Variants in GRIK3 observed in about 807,000 individuals in gnomAD.
The protein encoded by GRIK3 is glutamate ionotropic receptor kainate type subunit 3, also known as glutamate receptor ionotropic, kainate 3.
GRIK3 carries 29 observed loss-of-function variants against 102.5 expected under a neutral mutation model. The ratio of observed to expected loss-of-function variants is 0.28; its 90% CI spans 0.21 to 0.39. The LOEUF is 0.39. Ranked by LOEUF, GRIK3 falls within the 10% of genes least tolerant of loss-of-function variation. GRIK3 has a pLI of 1.00. For missense variants in GRIK3, 908 were observed against 1,252.4 expected (o/e 0.73, Z 4.15); for synonymous variants, 511 against 504.9 (o/e 1.01, Z -0.16).
chr1:36,962,634 G>A (rs1298290670), intron 1 of GRIK3, among the ~76,000 whole-genome samples: 1 of 135,188 alleles, frequency 7.4e-6, no homozygotes, highest in African/African-American at 3.0e-5. Flanking sequence ...GAGAGAGAGG[G>A]AGAGGAAGAG....
Position 36,896,785 on chromosome 1 carries a change from T to C in GRIK3, c.116-5689A>G, listed in dbSNP as rs139232946. Among the ~76,000 whole-genome samples the C allele has an allele frequency of 1.4e-4, 21 of 152,200 alleles. No individual in the cohort carries two copies. The East Asian group carries it at 4.0e-3, about 29-fold the overall frequency. ...AATAAACCTATTTTAACTATACAGG[T>C]GCACATAAAATAAAAGTAAATGAAC... On this transcript the variant is annotated intron_variant, in intron 1 of 15. Coordinates refer to ENST00000373091, the MANE Select transcript of GRIK3 (RefSeq NM_000831.4).
chr1:36,838,982 G>A (rs889453825), intron 10 of GRIK3, among the ~76,000 whole-genome samples: 4 of 152,168 alleles, frequency 2.6e-5, no homozygotes, highest in African/African-American at 4.8e-5. Flanking sequence ...CTCGGAGGCC[G>A]TGGACGACAC....
At chr1:37,011,195 G>C (rs1642592873) in intron 1 of GRIK3, among the ~76,000 whole-genome samples, 1 of 152,108 alleles carries the variant, frequency 6.6e-6, no homozygotes, top group African/African-American at 2.4e-5. Flanking sequence ...TGAAATCCTG[G>C]GTAAGATGCT....
intron 1 of GRIK3, among the ~76,000 whole-genome samples, chr1:36,933,378 G>C (rs1210480536): frequency 6.6e-6 from 1 of 152,214 alleles, no homozygotes; most frequent in East Asian, 1.9e-4. Flanking sequence ...ACCGACTGCT[G>C]ATGGGGAGGG....
intron 1 of GRIK3, among the ~76,000 whole-genome samples, chr1:36,988,869 G>T (rs984210464): frequency 1.3e-5 from 2 of 152,178 alleles, no homozygotes; most frequent in African/African-American, 4.8e-5. Context: ...GGCCTTTTCA[G>T]TTAAGCTGAA....
chr1:36,829,402 GTTTTTTGTTT>G (rs1375824856), intron 10 of GRIK3, among the ~76,000 whole-genome samples: 1 of 149,864 alleles, frequency 6.7e-6, no homozygotes, highest in East Asian at 1.9e-4. Flanking sequence ...GGTTTTTATT[GTTTTTTGTTT>G]TTTTTTTTTA....
intron 1 of GRIK3, among the ~76,000 whole-genome samples, chr1:37,005,945 G>A (rs1014491187): frequency 6.6e-6 from 1 of 152,136 alleles, no homozygotes; most frequent in Admixed American, 6.5e-5. Context: ...GAGCCCTTGA[G>A]GGTTTCTCAG....
At chr1:36,952,724 T>C (rs1036813000) in intron 1 of GRIK3, among the ~76,000 whole-genome samples, 3 of 152,120 alleles carry the variant, frequency 2.0e-5, no homozygotes, top group Non-Finnish European at 4.4e-5. Flanking sequence ...AATGAATGAA[T>C]GAATAAATGA....
chr1:37,011,387 G>A (rs1267294443), intron 1 of GRIK3, among the ~76,000 whole-genome samples: 5 of 152,194 alleles, frequency 3.3e-5, no homozygotes, highest in South Asian at 2.1e-4. Flanking sequence ...CCTCAGCAGC[G>A]AAAGGCAGCT....
intron 1 of GRIK3, among the ~76,000 whole-genome samples, chr1:36,909,848 C>T (rs992633584): frequency 4.6e-5 from 7 of 152,116 alleles, no homozygotes; most frequent in Non-Finnish European, 5.9e-5. Context: ...TTATATGTTT[C>T]GGGAAACATA....
At chr1:36,834,996 A>G (rs1420194717) in intron 10 of GRIK3, among the ~76,000 whole-genome samples, 1 of 152,212 alleles carries the variant, frequency 6.6e-6, no homozygotes, top group Non-Finnish European at 1.5e-5. Flanking sequence ...TCCTCGGGGT[A>G]TACTCCCAAA....
chr1:37,034,026 T>G lies in GRIK3; in HGVS notation c.83A>C (p.Asp28Ala), dbSNP rs1338516623. ...GATGACGTGGGGCATCCCGCGCGAG[T>G]CCGGGATCCAGAAGGCGCACACGAG... ...GLLVCAFWIP[D>A]SRGMPHVIRI... The change falls in exon 1 of 16, where the codon GAC becomes GCC. Residue 28 changes from aspartate (D) to alanine (A), a missense_variant. Asp to Ala is a moderately radical substitution (Grantham distance 126, BLOSUM62 -2). Around this residue, in one of 3 missense-constraint regions of GRIK3, gnomAD observed 585 missense variants for 824.9 expected, o/e 0.71. Coordinates refer to ENST00000373091, the MANE Select transcript of GRIK3 (RefSeq NM_000831.4). 1 of 1,603,558 alleles carries G rather than the reference T, an allele frequency of 6.2e-7. No individual in the cohort carries two copies. Among genetic ancestry groups the G allele is most frequent in the Admixed American group, 1.7e-5 (1 of 59,374 alleles).
intron 1 of GRIK3, among the ~76,000 whole-genome samples, chr1:36,973,318 C>T (rs1007412854): frequency 1.3e-5 from 2 of 152,052 alleles, no homozygotes; most frequent in African/African-American, 4.8e-5. Context: ...CCAGGCCTTT[C>T]CTTGAGCTGT....
At chr1:36,956,349 T>C (rs112413483) in intron 1 of GRIK3, among the ~76,000 whole-genome samples, 2 of 152,128 alleles carry the variant, frequency 1.3e-5, no homozygotes, top group African/African-American at 2.4e-5. Context: ...CTTAGGAAGA[T>C]GAAATGACTC....
At chr1:36,900,376 G>C (rs578881) in intron 1 of GRIK3, among the ~76,000 whole-genome samples, 4,933 of 152,092 alleles carry the variant, frequency 0.032, 207 homozygotes, top group East Asian at 0.11. Context: ...CTCTGCTCAA[G>C]TGATCCTCCC....
intron 1 of GRIK3, among the ~76,000 whole-genome samples, chr1:36,961,335 C>T (rs1642006372): frequency 6.6e-6 from 1 of 152,220 alleles, no homozygotes; most frequent in Non-Finnish European, 1.5e-5. Flanking sequence ...ATTCCAAAGT[C>T]TGAAATAGCC....
At chr1:36,856,290 T>C (rs1557704074) in intron 7 of GRIK3, among the ~76,000 whole-genome samples, 1 of 152,030 alleles carries the variant, frequency 6.6e-6, no homozygotes, top group Non-Finnish European at 1.5e-5. Flanking sequence ...GCTACAGAGG[T>C]ATAAAATGCC....
At chr1:36,929,277 T>C (rs1158009765) in intron 1 of GRIK3, among the ~76,000 whole-genome samples, 1 of 151,958 alleles carries the variant, frequency 6.6e-6, no homozygotes, top group East Asian at 1.9e-4. Flanking sequence ...GCACCAGGAG[T>C]ATAGGAGTGA....
chr1:36,937,284 C>G lies in GRIK3; in HGVS notation c.116-46188G>C, dbSNP rs544283750. 7.9e-5 allele frequency among the ~76,000 whole-genome samples: 12 copies of G among 152,170 alleles called. No individual in the cohort carries two copies. In the South Asian group the frequency reaches 2.5e-3, roughly 32 times the overall value. On this transcript the variant is annotated intron_variant, in intron 1 of 15. Coordinates refer to ENST00000373091, the MANE Select transcript of GRIK3 (RefSeq NM_000831.4). ...CCACGCCCTCGAGTGAACAACAAGC[C>G]CGGTGTGAATCAGCTTCCTAGATGG... is the stretch of plus-strand genomic sequence containing the variant.
Sources: allele counts gnomAD v4.1 joint callset (sites outside exome capture counted in the v4.1 genomes callset), GRCh38; gene constraint gnomAD v4.1.1; regional missense constraint gnomAD v4.1.1; transcripts MANE v1.5; gene names NCBI Gene and HGNC (gene_info 2026-07-23, HGNC 2026-07-21).